XPO7: variants seen among roughly 807,000 people sequenced by gnomAD.
XPO7 encodes exportin-7.
In XPO7, 21 loss-of-function variants were observed where a neutral mutation model predicts 144.3. The ratio of observed to expected loss-of-function variants is 0.15; its 90% CI spans 0.10 to 0.21. The LOEUF is 0.21. XPO7 is among the 10% of genes least tolerant of loss of function. The pLI is 1.00. For missense variants in XPO7, 808 were observed against 1,325.8 expected (o/e 0.61, Z 6.06); for synonymous variants, 580 against 499.6 (o/e 1.16, Z -2.15).
At chr8:21,976,648 CTTTT>C (rs942490833) in intron 7 of XPO7, 127 bp downstream of exon 7, 1 of 1,171,522 alleles carries the variant, frequency 8.5e-7, no homozygotes, top group African/African-American at 1.6e-5. Context: ...ATTCTAACGT[CTTTT>C]TTTGTTTGTT....
At chr8:21,990,150 G>A (rs1004416722) in intron 16 of XPO7, among the ~76,000 whole-genome samples, 194 bp from the exon 17 acceptor site, 1 of 151,982 alleles carries the variant, frequency 6.6e-6, no homozygotes, top group Non-Finnish European at 1.5e-5. Context: ...CGCCCGGCCA[G>A]TATAGGTGTT....
chr8:21,946,882 C>T (rs1410966190), intron 1 of XPO7, among the ~76,000 whole-genome samples: 1 of 152,166 alleles, frequency 6.6e-6, no homozygotes, highest in Non-Finnish European at 1.5e-5. Context: ...GACATCTCAA[C>T]AGCAACCTGG....
At chr8:21,945,893 T>C (rs1811175011) in intron 1 of XPO7, among the ~76,000 whole-genome samples, 1 of 152,164 alleles carries the variant, frequency 6.6e-6, no homozygotes, top group East Asian at 1.9e-4. Context: ...ACTGGAGTGT[T>C]GGGAGTAGTG....
intron 1 of XPO7, among the ~76,000 whole-genome samples, chr8:21,953,565 G>A (rs964751534): frequency 1.3e-5 from 2 of 152,220 alleles, no homozygotes; most frequent in African/African-American, 2.4e-5. Context: ...CATATGGTAA[G>A]AGTATGTTTA....
intron 8 of XPO7, among the ~76,000 whole-genome samples, chr8:21,979,273 G>C (rs1180729047): frequency 6.6e-6 from 1 of 151,998 alleles, no homozygotes. Context: ...TCAAACTCCC[G>C]ACCTCAGGTG....
intron 15 of XPO7, among the ~76,000 whole-genome samples, 193 bp downstream of exon 15, chr8:21,988,050 C>T (rs962433275): frequency 9.2e-5 from 14 of 152,194 alleles, no homozygotes; most frequent in Admixed American, 5.9e-4. Flanking sequence ...CAGGCTTGTA[C>T]AGGCAAGGAT....
In XPO7 at chr8:21,970,129, G is replaced by GTT; in HGVS notation, c.260-7_260-6dup. 6.3e-7 allele frequency: 1 copy of GTT among 1,580,576 alleles called. No individual in the cohort carries two copies. The highest frequency in any genetic ancestry group is 8.6e-7 in the Non-Finnish European group (1 of 1,161,408). On this transcript the variant is annotated splice_polypyrimidine_tract_variant and intron_variant, in intron 3 of 27. Transcript: ENST00000252512. ...ATTATGTGGATTGGTTTTGTTTCTT[G>GTT]TTTTTTTTTAATAGGGAACTATGTG...
intron 20 of XPO7, among the ~76,000 whole-genome samples, chr8:21,994,993 G>A (rs956491325): frequency 6.6e-6 from 1 of 152,048 alleles, no homozygotes; most frequent in Non-Finnish European, 1.5e-5. Context: ...GGCGGAGCTT[G>A]CAGTGAGCCG....
At chr8:21,974,093 G>T (rs1003006640) in intron 5 of XPO7, among the ~76,000 whole-genome samples, 1 of 108,132 alleles carries the variant, frequency 9.2e-6, no homozygotes, top group Admixed American at 8.6e-5. Context: ...AAGAGACTCT[G>T]CTGCCCAGGC....
At chr8:21,924,171 C>A (rs1000482694) in intron 1 of XPO7, among the ~76,000 whole-genome samples, 2 of 152,166 alleles carry the variant, frequency 1.3e-5, no homozygotes, top group African/African-American at 4.8e-5. Flanking sequence ...GGCTGCAGTT[C>A]TTTACCAATG....
Position 21,941,874 on chromosome 8 carries a change from G to C in XPO7, c.18+22086G>C, listed in dbSNP as rs145171400. Among the ~76,000 whole-genome samples the C allele has an allele frequency of 4.9e-3, 746 of 152,238 alleles. 4 individuals are homozygous for C. The highest frequency in any genetic ancestry group is 8.9e-3 in the Admixed American group (136 of 15,280). On this transcript the variant is annotated intron_variant, in intron 1 of 27. Coordinates refer to ENST00000252512, the MANE Select transcript of XPO7 (RefSeq NM_015024.5). The stretch of plus-strand genomic sequence containing the variant: ...AAATTTTCGTTGTTGTTGTTGAGTT[G>C]GGGTCTCAGGATGTTGCCTAGGCTG...
At chr8:21,996,364 A>C (rs1812948519) in intron 21 of XPO7, among the ~76,000 whole-genome samples, 1 of 152,154 alleles carries the variant, frequency 6.6e-6, no homozygotes, top group African/African-American at 2.4e-5. Flanking sequence ...GCAGTGAGCC[A>C]AGATTATGCC....
intron 20 of XPO7, among the ~76,000 whole-genome samples, chr8:21,994,674 ATC>A (rs1428660772): frequency 6.6e-6 from 1 of 152,160 alleles, no homozygotes; most frequent in Non-Finnish European, 1.5e-5. Context: ...TCTCTTTTGG[ATC>A]TCAAATATAA....
chr8:21,981,959 T>A, intron 10 of XPO7, 82 bp downstream of exon 10: 1 of 1,562,086 alleles, frequency 6.4e-7, no homozygotes, highest in East Asian at 2.3e-5. Flanking sequence ...AGAATATATT[T>A]TTTTTTCTTG....
In XPO7 at chr8:21,941,753, A is replaced by G. The variant is rs1014797087; in HGVS notation, c.18+21965A>G. Reference sequence around the variant, plus strand: ...ATTTTCGTTTGTTTGTTTGTTTTTCACAGACTCTATTTTCTAGGCTTAAGC... The same window carrying G: ...ATTTTCGTTTGTTTGTTTGTTTTTCGCAGACTCTATTTTCTAGGCTTAAGC... On this transcript the variant is annotated intron_variant, in intron 1 of 27. Coordinates refer to ENST00000252512, the MANE Select transcript of XPO7 (RefSeq NM_015024.5). 2.6e-5 allele frequency among the ~76,000 whole-genome samples: 4 copies of G among 152,042 alleles called. No homozygotes were observed. The South Asian group carries it at 6.2e-4, about 24-fold the overall frequency.
chr8:21,966,220 C>G (rs1037722647), intron 1 of XPO7: 9 of 758,910 alleles, frequency 1.2e-5, no homozygotes, highest in Admixed American at 3.6e-5. Flanking sequence ...TTTATTTTGA[C>G]GCTTTCATTT....
At chr8:21,963,744 A>G (rs1811800834) in intron 1 of XPO7, among the ~76,000 whole-genome samples, 1 of 152,158 alleles carries the variant, frequency 6.6e-6, no homozygotes, top group East Asian at 1.9e-4. Context: ...GAGCAATACT[A>G]TACACAAAGT....
At chr8:21,943,159 C>T (rs1811049895) in intron 1 of XPO7, among the ~76,000 whole-genome samples, 1 of 152,136 alleles carries the variant, frequency 6.6e-6, no homozygotes, top group African/African-American at 2.4e-5. Context: ...TTTTGGGAAC[C>T]TATGAACTGG....
chr8:21,990,769 A>C, intron 17 of XPO7, 42 bp from the exon 18 acceptor site: 1 of 1,591,998 alleles, frequency 6.3e-7, no homozygotes, highest in Non-Finnish European at 8.6e-7. Flanking sequence ...TCTGCCTCTA[A>C]CTCATGTTTT....
Sources: allele counts gnomAD v4.1 joint callset (sites outside exome capture counted in the v4.1 genomes callset), GRCh38; gene constraint gnomAD v4.1.1; transcripts MANE v1.5; gene names NCBI Gene and HGNC (gene_info 2026-07-23, HGNC 2026-07-21).